The following CCDC142 variants were observed in gnomAD, a reference collection of about 807,000 sequenced individuals.
CCDC142 encodes coiled-coil domain containing 142.
Under a neutral mutation model 83.8 loss-of-function variants are expected in CCDC142, and 67 were observed. That is an observed-to-expected ratio of 0.80 (90% CI 0.66 to 0.98). The LOEUF is 0.98. CCDC142 is among the 50% of genes least tolerant of loss of function. The probability of loss-of-function intolerance (pLI) is 0.00; values close to 1 mark genes in which losing one functional copy is unlikely to be tolerated. For synonymous variants in CCDC142, 421 were observed against 421.2 expected, an observed-to-expected ratio of 1.00 and a Z score of 0.01; for missense variants, 905 against 946.8, an observed-to-expected ratio of 0.96 and a Z score of 0.58.
chr2:74,478,225 C>G (rs1202560696), intron 5 of CCDC142, among the ~76,000 whole-genome samples: 3 of 150,480 alleles, frequency 2.0e-5, no homozygotes, highest in African/African-American at 7.3e-5. Context: ...CAATGTCCAG[C>G]TAATTTTTGT....
Position 74,481,488 on chromosome 2 carries a change from G to A in CCDC142, c.1072C>T (p.Leu358=). ...EKELASLCHR[L]LHQSLIWSWD... ...CTCCAGATAAGCGACTGATGAAGTA[G>A]TCTGTGACACAAAGATGCCAGCTCC... Residue 358 remains leucine, a synonymous_variant, in exon 2 of 9, where the codon CTA becomes TTA. Coordinates refer to ENST00000393965, the MANE Select transcript of CCDC142 (RefSeq NM_001365575.2). 1.2e-6 allele frequency: 2 copies of A among 1,614,206 alleles called. No individual in the cohort carries two copies. Among genetic ancestry groups the A allele is most frequent in the Non-Finnish European group, 1.7e-6 (2 of 1,180,028 alleles).
chr2:74,480,004 CA>C (rs1307252320), intron 5 of CCDC142, among the ~76,000 whole-genome samples: 2 of 152,162 alleles, frequency 1.3e-5, no homozygotes, highest in East Asian at 1.9e-4. Flanking sequence ...GTAACCAAAT[CA>C]TTAATGAAGG....
At chr2:74,479,878 C>G (rs1447642633) in intron 5 of CCDC142, among the ~76,000 whole-genome samples, 1 of 152,076 alleles carries the variant, frequency 6.6e-6, no homozygotes, top group Admixed American at 6.5e-5. Flanking sequence ...CCTCCCAAAG[C>G]ATTAATAAAA....
chr2:74,475,141 A>G (rs1672291384), intron 7 of CCDC142, 26 bp from the exon 8 acceptor site: 4 of 1,610,578 alleles, frequency 2.5e-6, no homozygotes, highest in Non-Finnish European at 1.7e-6. Flanking sequence ...CAGTATGGCC[A>G]CTTGACCCTC....
chr2:74,477,405 C>G (rs1217974289), intron 5 of CCDC142, among the ~76,000 whole-genome samples: 3 of 152,170 alleles, frequency 2.0e-5, no homozygotes. Flanking sequence ...CCCTTCTGCT[C>G]TTAAAATGTC....
chr2:74,479,107 T>A (rs980939569), intron 5 of CCDC142, among the ~76,000 whole-genome samples: 1 of 150,344 alleles, frequency 6.7e-6, no homozygotes, highest in Non-Finnish European at 1.5e-5. Flanking sequence ...GGTGGGAGGA[T>A]TGCTTGAGCC....
At chr2:74,481,754 G>T in intron 1 of CCDC142, 63 bp downstream of exon 1, 2 of 1,548,444 alleles carry the variant, frequency 1.3e-6, no homozygotes, top group African/African-American at 1.4e-5. Flanking sequence ...AGGTCAGTGA[G>T]TTGGCCAAGG....
chr2:74,475,133 GT>G lies in CCDC142; in HGVS notation c.1797-19del, dbSNP rs779566279. 20 of 1,610,456 alleles carry G rather than the reference GT, an allele frequency of 1.2e-5. No homozygotes were observed. The highest frequency in any genetic ancestry group is 1.7e-5 in the Non-Finnish European group (20 of 1,178,020). ...CCTGCAGGCTGAAGGCAGAGGTACA[GT>G]ATGGCCACTTGACCCTCCTGCCTCT... On this transcript the variant is annotated intron_variant, in intron 7 of 8. Coordinates refer to ENST00000393965, the MANE Select transcript of CCDC142 (RefSeq NM_001365575.2).
intron 5 of CCDC142, among the ~76,000 whole-genome samples, chr2:74,477,480 A>G (rs1000398231): frequency 1.1e-4 from 17 of 152,090 alleles, no homozygotes; most frequent in Admixed American, 1.1e-3. Context: ...CCACAATTTG[A>G]TGCCAAATTG....
chr2:74,482,523 G>T lies in CCDC142; in HGVS notation c.315C>A (p.Leu105=), dbSNP rs780852111. 8.2e-6 allele frequency: 13 copies of T among 1,579,382 alleles called. No individual in the cohort carries two copies. Among genetic ancestry groups the T allele is most frequent in the Non-Finnish European group, 1.1e-5 (13 of 1,162,612 alleles). The change falls in exon 1 of 9, where the codon CTC becomes CTA. Residue 105 remains leucine (L), a synonymous_variant. Transcript: ENST00000393965. This position sits in a 1 kb window ranked among gnomAD's most constrained non-coding sequence, Gnocchi z 5.0. ...GGTAGGCGCAGTCTCGGGCCTGGAG[G>T]AGCTGCTCCCGCTCGCGATGCAGCC... ...LLRLHREREQ[L]LQARDCAYHL...
chr2:74,479,477 A>G (rs1049806086), intron 5 of CCDC142, among the ~76,000 whole-genome samples: 11 of 152,240 alleles, frequency 7.2e-5, no homozygotes, highest in African/African-American at 2.7e-4. Context: ...GCAAACATGG[A>G]TGAAGGTTAC....
In CCDC142 at chr2:74,482,771, G is replaced by T; in HGVS notation, c.67C>A (p.Pro23Thr). ...LVIVPPLRAQ[P>T]GGTGEEQWER... is the part of the protein sequence containing the mutation. ...CACTGCTCCTCCCCAGTGCCCCCGG[G>T]TTGCGCCCTCAGCGGGGGCACGATA... Residue 23 changes from proline (P) to threonine (T), a missense_variant, in exon 1 of 9, where the codon CCC becomes ACC. Physicochemically the swap from Pro to Thr is conservative, Grantham distance 38. This residue lies in a region of CCDC142 where 591 missense variants were observed against 571.4 expected (regional missense o/e 1.03). Transcript: ENST00000393965. The surrounding 1 kb of genome is among the most constrained non-coding windows in gnomAD (Gnocchi z 5.0). The T allele has an allele frequency of 6.2e-7, 1 of 1,600,902 alleles. No individual in the cohort carries two copies. Among genetic ancestry groups the T allele is most frequent in the East Asian group, 2.2e-5 (1 of 44,886 alleles).
In CCDC142 at chr2:74,474,446, C is replaced by A. The variant is rs1412437608; in HGVS notation, c.*100G>T. 1 of 1,402,836 alleles carries A rather than the reference C, an allele frequency of 7.1e-7. No individual in the cohort carries two copies. The highest frequency in any genetic ancestry group is 2.3e-5 in the East Asian group (1 of 43,196). 86.9% of individuals were successfully genotyped at this position (1,402,836 alleles called of 1,614,324 possible). ...ATTCTCCAGTATGCTTTCCTCCAAG[C>A]TTCCAGTTCTGGGCTTCCTTAATAT... is the stretch of plus-strand genomic sequence containing the variant. On this transcript the variant is annotated 3_prime_UTR_variant, in exon 9 of 9. Transcript: ENST00000393965.
intron 1 of CCDC142, 90 bp downstream of exon 1, chr2:74,481,727 T>G: frequency 6.7e-7 from 1 of 1,486,350 alleles, no homozygotes; most frequent in Non-Finnish European, 9.2e-7. Flanking sequence ...AGGGCCTGCT[T>G]TTGCCTTCAG....
At chr2:74,480,294 A>T (rs1026017808) in intron 5 of CCDC142, among the ~76,000 whole-genome samples, 1 of 152,180 alleles carries the variant, frequency 6.6e-6, no homozygotes, top group Non-Finnish European at 1.5e-5. Context: ...TTTCCATAGT[A>T]AAATGTTAAA....
intron 8 of CCDC142, 49 bp downstream of exon 8, chr2:74,474,867 G>C (rs771251536): frequency 1.9e-6 from 3 of 1,579,162 alleles, no homozygotes; most frequent in African/African-American, 1.3e-5. Flanking sequence ...TTAATGGTGA[G>C]AATAGGGTTT....
At chr2:74,480,613 TAAAG>T (rs1672418358) in intron 5 of CCDC142, among the ~76,000 whole-genome samples, 152 bp downstream of exon 5, 2 of 148,396 alleles carry the variant, frequency 1.3e-5, no homozygotes, top group African/African-American at 2.5e-5. Flanking sequence ...AAAAAAAAGT[TAAAG>T]AGAACAAAAA....
Position 74,482,034 on chromosome 2 carries a change from G to T in CCDC142, c.804C>A (p.Cys268Ter), listed in dbSNP as rs1242361488. 1.2e-6 allele frequency: 2 copies of T among 1,613,562 alleles called. No homozygotes were observed. The highest frequency in any genetic ancestry group is 1.7e-6 in the Non-Finnish European group (2 of 1,179,974). ...CTGGTAGCAGATCCCCCTCCTCTTG[G>T]CACCGCCTGCGGAGCTGGTCCCTCA... ...SALRDQLRRR[C>*]QEEGDLLPGL... The change falls in exon 1 of 9, where the codon TGC becomes TGA. Residue 268 changes from cysteine to a stop codon, truncating the protein, a stop_gained. Coordinates refer to ENST00000393965, the MANE Select transcript of CCDC142 (RefSeq NM_001365575.2). LOFTEE classifies it high-confidence loss of function. This position sits in a 1 kb window ranked among gnomAD's most constrained non-coding sequence, Gnocchi z 5.0.
intron 6 of CCDC142, 41 bp from the exon 7 acceptor site, chr2:74,475,443 T>A: frequency 6.5e-7 from 1 of 1,539,530 alleles, no homozygotes; most frequent in African/African-American, 1.4e-5. Flanking sequence ...TGGAGATCCA[T>A]TGAACCCCTA....
Sources: gnomAD v4.1 joint callset for allele counts (sites outside exome capture counted in the v4.1 genomes callset) on GRCh38, gnomAD v4.1.1 for gene constraint, gnomAD v4.1.1 regional missense constraint, Gnocchi (gnomAD v3.1) non-coding constraint, MANE v1.5 for transcripts, NCBI Gene and HGNC (gene_info 2026-07-23, HGNC 2026-07-21) for gene names.